The following RAP1A variants were observed in gnomAD, a reference collection of about 807,000 sequenced individuals.
RAP1A encodes the protein ras-related protein Rap-1A.
A neutral mutation model predicts 26.4 loss-of-function variants in RAP1A; 6 were observed. The observed-to-expected ratio is 0.23, with a 90% CI of 0.12 to 0.45. The LOEUF (loss-of-function observed/expected upper bound fraction) is 0.45, where lower values mean the gene tolerates loss of function less well. Among genes scored for constraint, RAP1A ranks in the 20% least tolerant of loss-of-function variants. The probability of loss-of-function intolerance (pLI) is 0.99; values close to 1 mark genes in which losing one functional copy is unlikely to be tolerated. For missense variants in RAP1A, 121 were observed against 217.2 expected, an observed-to-expected ratio of 0.56 and a Z score of 2.78; for synonymous variants, 73 against 79.4, an observed-to-expected ratio of 0.92 and a Z score of 0.43.
At chr1:111,708,413 G>A (rs1662268555) in intron 6 of RAP1A, among the ~76,000 whole-genome samples, 1 of 152,166 alleles carries the variant, frequency 6.6e-6, no homozygotes. Context: ...CCAAATCAAG[G>A]GAAGTTACTA....
chr1:111,666,262 A>G (rs1001343412), intron 1 of RAP1A, among the ~76,000 whole-genome samples: 1 of 152,208 alleles, frequency 6.6e-6, no homozygotes, highest in Non-Finnish European at 1.5e-5. Context: ...GTTATCCTTC[A>G]GAAAAAAATT....
At chr1:111,594,891 A>C (rs1197181262) in intron 1 of RAP1A, among the ~76,000 whole-genome samples, 1 of 152,220 alleles carries the variant, frequency 6.6e-6, no homozygotes, top group Non-Finnish European at 1.5e-5. Flanking sequence ...TAGAAACAAA[A>C]AATATTAGCC....
At chr1:111,596,157 G>A (rs148664703) in intron 1 of RAP1A, among the ~76,000 whole-genome samples, 14 of 152,196 alleles carry the variant, frequency 9.2e-5, no homozygotes, top group South Asian at 2.1e-4. Context: ...TTAAAGGCAG[G>A]GCTTTCTCTG....
In RAP1A at chr1:111,630,921, G is replaced by T. The variant is rs562130448; in HGVS notation, c.-28+10987G>T. ...TTACTAATAATACTCATTTAAATCTGTAGGGTAACCAGTAGTTTTTCTAGA... is the reference window on the plus strand; with the variant it reads ...TTACTAATAATACTCATTTAAATCTTTAGGGTAACCAGTAGTTTTTCTAGA... On this transcript the variant is annotated intron_variant, in intron 1 of 7. Coordinates refer to ENST00000369709, the MANE Select transcript of RAP1A (RefSeq NM_002884.4). 5.3e-5 allele frequency among the ~76,000 whole-genome samples: 8 copies of T among 152,286 alleles called. No individual in the cohort carries two copies. In the South Asian group the frequency reaches 1.7e-3, roughly 32 times the overall value.
At chr1:111,626,533 A>G (rs1368161807) in intron 1 of RAP1A, among the ~76,000 whole-genome samples, 1 of 152,194 alleles carries the variant, frequency 6.6e-6, no homozygotes, top group East Asian at 1.9e-4. Context: ...GATTAAAATC[A>G]TCCTTTGCCA....
At chr1:111,565,658 C>T (rs376998169) in intron 1 of RAP1A, among the ~76,000 whole-genome samples, 82 of 152,236 alleles carry the variant, frequency 5.4e-4, no homozygotes, top group African/African-American at 1.9e-3. Context: ...AAAACTGAAG[C>T]AGTGTGAAGC....
At chr1:111,683,126 C>A (rs911844990) in intron 1 of RAP1A, among the ~76,000 whole-genome samples, 1 of 152,056 alleles carries the variant, frequency 6.6e-6, no homozygotes, top group African/African-American at 2.4e-5. Flanking sequence ...TCAATGAGAA[C>A]AAAGACACAA....
At chr1:111,599,776 C>T (rs1246738901) in intron 1 of RAP1A, 1 of 151,996 alleles carries the variant, frequency 6.6e-6, no homozygotes, top group Non-Finnish European at 1.5e-5. Context: ...GGATGTTTGT[C>T]CCCCCCAAGT....
At chr1:111,543,720 A>AAAGAGGAGGAGG (rs1276070192) in intron 1 of RAP1A, among the ~76,000 whole-genome samples, 3 of 151,746 alleles carry the variant, frequency 2.0e-5, no homozygotes, top group Non-Finnish European at 4.4e-5. Flanking sequence ...GAGGGAGGAG[A>AAAGAGGAGGAGG]AAGAGGAGGA....
intron 1 of RAP1A, among the ~76,000 whole-genome samples, chr1:111,663,056 G>A (rs1329287231): frequency 1.3e-5 from 2 of 152,206 alleles, no homozygotes; most frequent in Admixed American, 1.3e-4. Flanking sequence ...TGGGATTACA[G>A]GCACGAGCCA....
chr1:111,703,520 T>C, intron 5 of RAP1A, 44 bp downstream of exon 5: 1 of 1,451,402 alleles, frequency 6.9e-7, no homozygotes. Context: ...CATCTCTCTG[T>C]GGCCAAATAA....
chr1:111,704,337 C>T lies in RAP1A; in HGVS notation c.325-6C>T, dbSNP rs756798070. The T allele has an allele frequency of 6.2e-6, 10 of 1,611,106 alleles. No individual in the cohort carries two copies. Among genetic ancestry groups the T allele is most frequent in the Non-Finnish European group, 8.5e-6 (10 of 1,178,864 alleles). On this transcript the variant is annotated splice_region_variant and splice_polypyrimidine_tract_variant and intron_variant, in intron 5 of 7. Transcript: ENST00000369709. ...TTGTTCATTTTACGTTTTTTTCTTC[C>T]CACAGGTTCCAATGATTTTGGTTGG...
chr1:111,677,819 T>C (rs1023968753), intron 1 of RAP1A, among the ~76,000 whole-genome samples: 2 of 152,192 alleles, frequency 1.3e-5, no homozygotes, highest in African/African-American at 4.8e-5. Context: ...TGATTCAGCA[T>C]GGGAGGGAAC....
chr1:111,556,015 T>A (rs1432135888), intron 1 of RAP1A, among the ~76,000 whole-genome samples: 1 of 152,190 alleles, frequency 6.6e-6, no homozygotes, highest in African/African-American at 2.4e-5. Context: ...AAATCATGTA[T>A]GTGATAAGGA....
rs530071648 is a variant in RAP1A, at chr1:111,714,222, T to G, written c.*1821T>G. 1 of 152,354 alleles carries G rather than the reference T, an allele frequency of 6.6e-6. No individual in the cohort carries two copies. The highest frequency in any genetic ancestry group is 1.5e-5 in the Non-Finnish European group (1 of 68,034). The allele number at this position is 152,354 out of a possible 1,614,324, so 9.4% of individuals were successfully genotyped here. On this transcript the variant is annotated 3_prime_UTR_variant, in exon 8 of 8. Transcript: ENST00000369709. The stretch of plus-strand genomic sequence containing the variant: ...CTACTTATCCAATTATGCATATGTC[T>G]GGGATTGAGGGGCCAAAACTATAGC...
In RAP1A at chr1:111,693,885, G is replaced by A. The variant is rs187032130; in HGVS notation, c.58-1456G>A. ...CTAGCCTAAAGCATATTAGGAAGCT[G>A]TATTAGACTGCCTTTTTTTTTTTTT... On this transcript the variant is annotated intron_variant, in intron 2 of 7. Transcript: ENST00000369709. Among the ~76,000 whole-genome samples, 6 of 145,792 alleles carry A rather than the reference G, an allele frequency of 4.1e-5. No homozygotes were observed. In the East Asian group the frequency reaches 1.2e-3, roughly 29 times the overall value.
chr1:111,596,158 G>A (rs902230646), intron 1 of RAP1A, among the ~76,000 whole-genome samples: 3 of 152,256 alleles, frequency 2.0e-5, no homozygotes, highest in South Asian at 4.1e-4. Flanking sequence ...TAAAGGCAGG[G>A]CTTTCTCTGG....
intron 1 of RAP1A, among the ~76,000 whole-genome samples, chr1:111,675,866 GA>G (rs1661110044): frequency 6.6e-6 from 1 of 152,228 alleles, no homozygotes; most frequent in African/African-American, 2.4e-5. Flanking sequence ...AATCGTGACA[GA>G]AGGCAAGGAA....
At chr1:111,702,250 T>C (rs2094650668) in intron 4 of RAP1A, among the ~76,000 whole-genome samples, 1 of 152,182 alleles carries the variant, frequency 6.6e-6, no homozygotes, top group African/African-American at 2.4e-5. Context: ...TTATTTAATA[T>C]AAAGACCCAA....
Sources: allele counts gnomAD v4.1 joint callset (sites outside exome capture counted in the v4.1 genomes callset), GRCh38; gene constraint gnomAD v4.1.1; transcripts MANE v1.5; gene names NCBI Gene and HGNC (gene_info 2026-07-23, HGNC 2026-07-21).